Variants in PEX5L observed in about 807,000 individuals in gnomAD.
The protein encoded by PEX5L is peroxisomal biogenesis factor 5 like.
A neutral mutation model predicts 84.0 loss-of-function variants in PEX5L; 30 were observed. The observed-to-expected ratio is 0.36, with a 90% CI of 0.27 to 0.48. PEX5L has a LOEUF of 0.48. Ranked by LOEUF, PEX5L falls within the 20% of genes least tolerant of loss-of-function variation. PEX5L has a pLI of 0.99. For synonymous variants in PEX5L, 270 were observed against 283.1 expected (o/e 0.95, Z 0.46); for missense variants, 533 against 754.6 (o/e 0.71, Z 3.44).
At chr3:179,988,694 G>T (rs1009564583) in intron 1 of PEX5L, among the ~76,000 whole-genome samples, 2 of 152,202 alleles carry the variant, frequency 1.3e-5, no homozygotes, top group African/African-American at 4.8e-5. Flanking sequence ...GTGCTCAGTT[G>T]TCTTTAAGTG....
intron 7 of PEX5L, among the ~76,000 whole-genome samples, chr3:179,871,179 T>C (rs1560471543): frequency 1.4e-5 from 2 of 147,936 alleles, no homozygotes; most frequent in African/African-American, 2.5e-5. Context: ...CTTGGCTCAC[T>C]GCAACCTCTG....
chr3:179,801,700 C>G lies in PEX5L; in HGVS notation c.*128G>C. 1.4e-6 allele frequency: 1 copy of G among 701,954 alleles called. No homozygotes were observed. Among genetic ancestry groups the G allele is most frequent in the East Asian group, 2.7e-5 (1 of 37,574 alleles). 43.5% of individuals were successfully genotyped at this position (701,954 alleles called of 1,614,324 possible). ...GGCATTGTCCACAGGAATTAATTTC[C>G]TTGGGCTATATGACCATGGCCTTTT... On this transcript the variant is annotated 3_prime_UTR_variant, in exon 15 of 15. Transcript: ENST00000467460.
At chr3:180,036,156 A>G (rs1389442853) in intron 1 of PEX5L, among the ~76,000 whole-genome samples, 1 of 151,202 alleles carries the variant, frequency 6.6e-6, no homozygotes, top group African/African-American at 2.5e-5. Context: ...CGAAAGTGAC[A>G]GAGTGTTCTA....
At chr3:179,874,558 A>G (rs888966441) in intron 6 of PEX5L, 135 bp from the exon 7 acceptor site, 1 of 545,936 alleles carries the variant, frequency 1.8e-6, no homozygotes, top group Non-Finnish European at 3.3e-6. Flanking sequence ...GATGATAGAG[A>G]TAAGTTTCAT....
At chr3:179,993,074 A>G (rs867290368) in intron 1 of PEX5L, among the ~76,000 whole-genome samples, 18 of 152,278 alleles carry the variant, frequency 1.2e-4, no homozygotes, top group African/African-American at 4.1e-4. Flanking sequence ...TTCACTATAG[A>G]AAATATAGAT....
intron 1 of PEX5L, among the ~76,000 whole-genome samples, chr3:179,986,978 A>G (rs1245369748): frequency 6.6e-6 from 1 of 152,224 alleles, no homozygotes; most frequent in Non-Finnish European, 1.5e-5. Context: ...ATGTAATGGA[A>G]TAAGTAAGAG....
chr3:179,959,317 C>A lies in PEX5L; in HGVS notation c.93+12277G>T, dbSNP rs368386430. Among the ~76,000 whole-genome samples, 6 of 152,306 alleles carry A rather than the reference C, an allele frequency of 3.9e-5. No individual in the cohort carries two copies. In the South Asian group the frequency reaches 1.2e-3, roughly 32 times the overall value. ...GATTAGGGAAGGAGGAAATAACGCA[C>A]ATCTTAGTTCTTAGAGTTCTGAGGC... is the stretch of plus-strand genomic sequence containing the variant. On this transcript the variant is annotated intron_variant, in intron 2 of 14. Transcript: ENST00000467460.
intron 5 of PEX5L, among the ~76,000 whole-genome samples, chr3:179,878,925 T>C (rs1309654583): frequency 2.6e-5 from 4 of 152,212 alleles, no homozygotes; most frequent in Non-Finnish European, 1.5e-5. Context: ...TAGCACATAG[T>C]TTGTGCTGGG....
intron 2 of PEX5L, among the ~76,000 whole-genome samples, chr3:179,911,825 T>C (rs974716267): frequency 1.3e-5 from 2 of 152,242 alleles, no homozygotes; most frequent in African/African-American, 2.4e-5. Flanking sequence ...TATAGAACCA[T>C]GTTAGGAAAT....
chr3:180,029,833 A>T (rs1579416412), intron 1 of PEX5L, among the ~76,000 whole-genome samples: 1 of 149,974 alleles, frequency 6.7e-6, no homozygotes, highest in African/African-American at 2.5e-5. Flanking sequence ...TCATGTGTAC[A>T]TAATCCCCTG....
At chr3:179,865,061 C>A (rs759433795) in intron 7 of PEX5L, among the ~76,000 whole-genome samples, 2 of 152,128 alleles carry the variant, frequency 1.3e-5, no homozygotes, top group Non-Finnish European at 2.9e-5. Flanking sequence ...AGCTGCACTG[C>A]GCATCACAGG....
chr3:179,864,294 G>A (rs375638876), intron 7 of PEX5L, among the ~76,000 whole-genome samples: 3 of 152,080 alleles, frequency 2.0e-5, no homozygotes, highest in African/African-American at 4.8e-5. Flanking sequence ...TCTGTCTATC[G>A]ATGGAAGGAA....
intron 1 of PEX5L, among the ~76,000 whole-genome samples, chr3:180,018,738 G>C (rs1395627338): frequency 6.6e-6 from 1 of 152,160 alleles, no homozygotes; most frequent in Non-Finnish European, 1.5e-5. Context: ...CATTTAGACA[G>C]CTCACACGAA....
At chr3:179,876,035 A>G (rs1397780132) in intron 5 of PEX5L, among the ~76,000 whole-genome samples, 1 of 152,166 alleles carries the variant, frequency 6.6e-6, no homozygotes, top group Non-Finnish European at 1.5e-5. Flanking sequence ...ATAATGGGGG[A>G]GAGAGAGAAA....
At chr3:179,889,313 A>G (rs1756907758) in intron 3 of PEX5L, among the ~76,000 whole-genome samples, 1 of 152,202 alleles carries the variant, frequency 6.6e-6, no homozygotes, top group Admixed American at 6.5e-5. Flanking sequence ...TTTATTTCTG[A>G]AAGGGCAATA....
chr3:179,841,600 T>C (rs954604009), intron 8 of PEX5L, among the ~76,000 whole-genome samples: 1 of 152,240 alleles, frequency 6.6e-6, no homozygotes, highest in African/African-American at 2.4e-5. Context: ...TGATAGACAA[T>C]AGTCACTTAA....
chr3:180,008,113 A>G (rs548936698), intron 1 of PEX5L, among the ~76,000 whole-genome samples: 1 of 152,322 alleles, frequency 6.6e-6, no homozygotes, highest in East Asian at 1.9e-4. Flanking sequence ...ATAAAACTTG[A>G]TGACTTTAAC....
intron 1 of PEX5L, among the ~76,000 whole-genome samples, chr3:180,029,738 G>T (rs1447228905): frequency 4.8e-5 from 3 of 62,762 alleles, no homozygotes; most frequent in African/African-American, 3.2e-4. Flanking sequence ...ATAAATCACT[G>T]GTTCCTTCAA....
intron 1 of PEX5L, among the ~76,000 whole-genome samples, chr3:180,032,804 A>C (rs551695691): frequency 6.6e-6 from 1 of 152,280 alleles, no homozygotes; most frequent in East Asian, 1.9e-4. Context: ...CAGTGAGCCG[A>C]GATTGGGCCA....
Sources: gnomAD v4.1 joint callset for allele counts (sites outside exome capture counted in the v4.1 genomes callset) on GRCh38, gnomAD v4.1.1 for gene constraint, MANE v1.5 for transcripts, NCBI Gene and HGNC (gene_info 2026-07-23, HGNC 2026-07-21) for gene names.